The following SEZ6L variants were observed in gnomAD, a reference collection of about 807,000 sequenced individuals.
SEZ6L encodes seizure 6-like protein.
In SEZ6L, 37 loss-of-function variants were observed where a neutral mutation model predicts 106.2. The observed-to-expected ratio is 0.35, with a 90% CI of 0.27 to 0.46. The LOEUF is 0.46. SEZ6L is among the 20% of genes least tolerant of loss of function. The probability of loss-of-function intolerance (pLI) is 1.00; values close to 1 mark genes in which losing one functional copy is unlikely to be tolerated. For missense variants in SEZ6L, 1,172 were observed against 1,332.8 expected (o/e 0.88, Z 1.88); for synonymous variants, 541 against 570.4 (o/e 0.95, Z 0.73).
intron 9 of SEZ6L, among the ~76,000 whole-genome samples, chr22:26,337,273 A>G (rs1002275495): frequency 5.9e-5 from 9 of 152,222 alleles, no homozygotes; most frequent in Non-Finnish European, 1.0e-4. Flanking sequence ...TGGAGAACAA[A>G]GAGTTGCCGT....
At chr22:26,210,679 G>GTT (rs60359652) in intron 1 of SEZ6L, among the ~76,000 whole-genome samples, 2 of 151,926 alleles carry the variant, frequency 1.3e-5, no homozygotes, top group East Asian at 3.9e-4. Flanking sequence ...TCTCAGAATG[G>GTT]TTTTTTTATT....
At chr22:26,255,764 G>C (rs7287757) in intron 1 of SEZ6L, among the ~76,000 whole-genome samples, 19,067 of 152,276 alleles carry the variant, frequency 0.13, 1,595 homozygotes, top group East Asian at 0.35. Context: ...ATCTGACCTC[G>C]CAGTGTTGAG....
At chr22:26,271,336 A>G (rs974197274) in intron 1 of SEZ6L, among the ~76,000 whole-genome samples, 2 of 152,202 alleles carry the variant, frequency 1.3e-5, no homozygotes, top group Non-Finnish European at 2.9e-5. Context: ...ATACAAAAGT[A>G]CCATATCCTG....
chr22:26,224,967 C>CA (rs551910209), intron 1 of SEZ6L, among the ~76,000 whole-genome samples: 3,170 of 150,010 alleles, frequency 0.021, 110 homozygotes, highest in African/African-American at 0.072. Flanking sequence ...GCTATTGTTA[C>CA]AAAAAAAAAG....
intron 1 of SEZ6L, among the ~76,000 whole-genome samples, chr22:26,290,297 C>T (rs112615627): frequency 4.4e-4 from 67 of 152,210 alleles, no homozygotes; most frequent in Middle Eastern, 3.4e-3. Context: ...TTTGGGAGGC[C>T]GAGGCGGGTG....
rs1265590562 is a variant in SEZ6L, at chr22:26,312,099, A to G, written c.1876+137A>G. ...AGGATTAGAACCCTTTCCAGGGTTC[A>G]CTGTCCTTTGGTTCAGGGTTGCTGC... On this transcript the variant is annotated intron_variant, in intron 8 of 16. Coordinates refer to ENST00000248933, the MANE Select transcript of SEZ6L (RefSeq NM_021115.5). The G allele has an allele frequency of 1.0e-5, 9 of 857,486 alleles. No individual in the cohort carries two copies. In the Admixed American group the frequency reaches 1.1e-4, roughly 11 times the overall value. 53.1% of individuals were successfully genotyped at this position (857,486 alleles called of 1,614,324 possible).
At chr22:26,288,665 C>T (rs775318343) in intron 1 of SEZ6L, among the ~76,000 whole-genome samples, 4 of 152,220 alleles carry the variant, frequency 2.6e-5, no homozygotes, top group South Asian at 2.1e-4. Context: ...CTGCCTGATA[C>T]GGTTGAGAAG....
chr22:26,314,604 A>C (rs747077851), intron 9 of SEZ6L, among the ~76,000 whole-genome samples: 7 of 151,978 alleles, frequency 4.6e-5, no homozygotes, highest in Non-Finnish European at 7.4e-5. Context: ...AATGAAAAAA[A>C]ATGTTTTTAA....
rs961945328 is a variant in SEZ6L, at chr22:26,342,698, G to GAAA, written c.2212+2070_2212+2072dup. 2.3e-5 allele frequency among the ~76,000 whole-genome samples: 3 copies of GAAA among 131,784 alleles called. No individual in the cohort carries two copies. In the East Asian group the frequency reaches 7.4e-4, roughly 33 times the overall value. The allele number at this position is 131,784 out of a possible 152,430, so 86.5% of individuals were successfully genotyped here. ...TGATAGAGCGAGACTCCGTCTCAAAGAAAAAAGAAAAAAGAAAAGAATTGT... is the reference window on the plus strand; with the variant it reads ...TGATAGAGCGAGACTCCGTCTCAAAGAAAAAAAAAGAAAAAAGAAAAGAATTGT... On this transcript the variant is annotated intron_variant, in intron 10 of 16. Transcript: ENST00000248933.
intron 1 of SEZ6L, among the ~76,000 whole-genome samples, chr22:26,231,710 C>T (rs2078803447): frequency 6.6e-6 from 1 of 152,226 alleles, no homozygotes; most frequent in African/African-American, 2.4e-5. Context: ...ACCCGCCCTG[C>T]CTTGGCATCT....
At chr22:26,247,625 G>A (rs1288670933) in intron 1 of SEZ6L, among the ~76,000 whole-genome samples, 1 of 152,114 alleles carries the variant, frequency 6.6e-6, no homozygotes, top group Non-Finnish European at 1.5e-5. Context: ...CTTCCCCGGA[G>A]CCTACAGAAA....
At chr22:26,229,153 C>T (rs1047306347) in intron 1 of SEZ6L, among the ~76,000 whole-genome samples, 2 of 152,166 alleles carry the variant, frequency 1.3e-5, no homozygotes, top group Non-Finnish European at 2.9e-5. Flanking sequence ...TGCGCCACCA[C>T]ACCTGGATAA....
intron 9 of SEZ6L, among the ~76,000 whole-genome samples, chr22:26,325,547 C>T (rs2082280568): frequency 6.6e-6 from 1 of 152,168 alleles, no homozygotes; most frequent in African/African-American, 2.4e-5. Flanking sequence ...ATGTTTCTTT[C>T]CCTACATGAT....
chr22:26,182,180 A>C (rs1327461005), intron 1 of SEZ6L, among the ~76,000 whole-genome samples: 2 of 152,256 alleles, frequency 1.3e-5, no homozygotes, highest in African/African-American at 4.8e-5. Context: ...GTTCTTAATT[A>C]GTATGCAAGA....
At chr22:26,202,573 G>C (rs1028482153) in intron 1 of SEZ6L, among the ~76,000 whole-genome samples, 2 of 152,224 alleles carry the variant, frequency 1.3e-5, no homozygotes, top group Non-Finnish European at 2.9e-5. Flanking sequence ...TCCTAAGCTA[G>C]AGCGACAGGA....
At chr22:26,196,402 C>T (rs141052109) in intron 1 of SEZ6L, among the ~76,000 whole-genome samples, 2 of 152,288 alleles carry the variant, frequency 1.3e-5, no homozygotes, top group East Asian at 1.9e-4. Flanking sequence ...AGTGCAAGAA[C>T]GCCCTAATAC....
rs150757700 is a variant in SEZ6L at position 26,264,014 on chromosome 22, C to T, written c.95-28392C>T. Among the ~76,000 whole-genome samples the T allele has an allele frequency of 2.6e-3, 399 of 152,348 alleles. 2 individuals are homozygous for T. The highest frequency in any genetic ancestry group is 9.4e-3 in the African/African-American group (391 of 41,586). On this transcript the variant is annotated intron_variant, in intron 1 of 16. Transcript: ENST00000248933. ...AATTCTAGTGATGTCCCCTCTACCT[C>T]ACGTGTGAAACCCCCCATTGCTTTT...
At chr22:26,351,324 G>A in intron 12 of SEZ6L, 81 bp downstream of exon 12, 2 of 1,338,458 alleles carry the variant, frequency 1.5e-6, no homozygotes, top group African/African-American at 1.5e-5. Flanking sequence ...AGGCTGGGCT[G>A]CTAGGAGGCC....
chr22:26,367,498 C>G (rs1318104560), intron 13 of SEZ6L, among the ~76,000 whole-genome samples: 1 of 152,040 alleles, frequency 6.6e-6, no homozygotes, highest in Non-Finnish European at 1.5e-5. Flanking sequence ...TGCACGCCAC[C>G]ACGCCCAGCT....
Sources: allele counts gnomAD v4.1 joint callset (sites outside exome capture counted in the v4.1 genomes callset), GRCh38; gene constraint gnomAD v4.1.1; transcripts MANE v1.5; gene names NCBI Gene and HGNC (gene_info 2026-07-23, HGNC 2026-07-21).